The following ASH1L variants were observed in gnomAD, a reference collection of about 807,000 sequenced individuals.
ASH1L encodes the protein histone-lysine N-methyltransferase ASH1L.
A neutral mutation model predicts 269.0 loss-of-function variants in ASH1L; 23 were observed. The ratio of observed to expected loss-of-function variants is 0.09; its 90% CI spans 0.06 to 0.12. ASH1L has a LOEUF of 0.12. Among genes scored for constraint, ASH1L ranks in the 10% least tolerant of loss-of-function variants. The pLI is 1.00. For synonymous variants in ASH1L, 1,187 were observed against 1,253.5 expected (o/e 0.95, Z 1.12); for missense variants, 2,912 against 3,567.8 (o/e 0.82, Z 4.68).
chr1:155,457,249 T>G (rs1663925803), intron 4 of ASH1L, among the ~76,000 whole-genome samples: 1 of 152,202 alleles, frequency 6.6e-6, no homozygotes, highest in African/African-American at 2.4e-5. Flanking sequence ...TGTTAGAAAT[T>G]GTTCAGTAGC....
chr1:155,538,461 G>T (rs1415389338), intron 1 of ASH1L, among the ~76,000 whole-genome samples: 1 of 151,840 alleles, frequency 6.6e-6, no homozygotes, highest in Non-Finnish European at 1.5e-5. Flanking sequence ...GGGTTCAAGC[G>T]AGTCTCCTGC....
At chr1:155,546,990 G>T in intron 1 of ASH1L, among the ~76,000 whole-genome samples, 2 of 105,038 alleles carry the variant, frequency 1.9e-5, no homozygotes, top group South Asian at 3.3e-4. Flanking sequence ...GACTCGCTCT[G>T]TCACCAGGGT....
chr1:155,348,581 A>G (rs1653574610), intron 19 of ASH1L, among the ~76,000 whole-genome samples: 1 of 151,884 alleles, frequency 6.6e-6, no homozygotes, highest in African/African-American at 2.4e-5. Flanking sequence ...CCTCAATTCC[A>G]TCCTCAAGAT....
intron 1 of ASH1L, among the ~76,000 whole-genome samples, chr1:155,552,506 G>C (rs987038543): frequency 6.6e-6 from 1 of 151,210 alleles, no homozygotes; most frequent in Non-Finnish European, 1.5e-5. Flanking sequence ...ACTACAACAG[G>C]GTGGTGTCAT....
chr1:155,425,402 A>G (rs1451652701), intron 5 of ASH1L, among the ~76,000 whole-genome samples: 1 of 143,518 alleles, frequency 7.0e-6, no homozygotes, highest in Non-Finnish European at 1.5e-5. Context: ...CTCAGCCTCC[A>G]GGTAGCTGGG....
At chr1:155,498,667 C>A (rs1416688284) in intron 2 of ASH1L, among the ~76,000 whole-genome samples, 2 of 151,848 alleles carry the variant, frequency 1.3e-5, no homozygotes, top group African/African-American at 4.8e-5. Context: ...TCTTGAACTC[C>A]CGAACTCAGG....
intron 7 of ASH1L, among the ~76,000 whole-genome samples, chr1:155,394,940 T>A (rs1038348514): frequency 6.6e-6 from 1 of 152,150 alleles, no homozygotes. Context: ...TGTTATTTAT[T>A]TAATTTTTTT....
intron 5 of ASH1L, chr1:155,434,409 T>A (rs993418486): frequency 2.8e-5 from 28 of 1,016,386 alleles, no homozygotes; most frequent in Non-Finnish European, 3.9e-5. Context: ...CAGGGGAGTT[T>A]GGGGCAACTG....
intron 1 of ASH1L, among the ~76,000 whole-genome samples, chr1:155,558,997 C>T (rs1450834372): frequency 6.6e-6 from 1 of 151,196 alleles, no homozygotes; most frequent in African/African-American, 2.4e-5. Context: ...GGCACACACA[C>T]CATGCCTGGC....
chr1:155,347,267 G>T (rs946915509), intron 20 of ASH1L, among the ~76,000 whole-genome samples: 6 of 152,078 alleles, frequency 3.9e-5, no homozygotes, highest in Non-Finnish European at 8.8e-5. Context: ...GGGCATGGTG[G>T]CACGTGGCAC....
chr1:155,449,078 CAT>C (rs1558118484), intron 4 of ASH1L, among the ~76,000 whole-genome samples: 2 of 151,548 alleles, frequency 1.3e-5, no homozygotes, highest in Non-Finnish European at 2.9e-5. Context: ...GGACTACAGG[CAT>C]GTGCCACCAC....
intron 1 of ASH1L, among the ~76,000 whole-genome samples, chr1:155,541,485 C>T (rs1670426646): frequency 6.6e-6 from 1 of 151,942 alleles, no homozygotes; most frequent in Admixed American, 6.6e-5. Flanking sequence ...TTATATAAGT[C>T]ACTAAAATCA....
chr1:155,537,651 G>A (rs750609604), intron 1 of ASH1L, among the ~76,000 whole-genome samples: 86 of 151,918 alleles, frequency 5.7e-4, no homozygotes, highest in South Asian at 3.3e-3. Flanking sequence ...ATCTAAATTC[G>A]AAAACGAACT....
At chr1:155,411,586 A>ATATATATATATATATATATAT (rs1558075618) in intron 6 of ASH1L, among the ~76,000 whole-genome samples, 43 of 55,096 alleles carry the variant, frequency 7.8e-4, no homozygotes, top group East Asian at 1.4e-3. Context: ...TAAATAAATA[A>ATATATATATATATATATATAT]ATATATATAT....
chr1:155,406,727 T>C lies in ASH1L; in HGVS notation c.6008+9017A>G, dbSNP rs542685785. ...AAAAAATAAATAAATAAAAAAGCTA[T>C]AGTAATCAACACAGTGTTTGAACAG... On this transcript the variant is annotated intron_variant, in intron 6 of 27. Coordinates refer to ENST00000392403, the MANE Select transcript of ASH1L (RefSeq NM_018489.3). 3.9e-5 allele frequency among the ~76,000 whole-genome samples: 6 copies of C among 152,124 alleles called. No individual in the cohort carries two copies. The East Asian group carries it at 5.8e-4, about 15-fold the overall frequency.
intron 5 of ASH1L, among the ~76,000 whole-genome samples, chr1:155,429,628 T>C (rs1661453465): frequency 6.6e-6 from 1 of 152,106 alleles, no homozygotes; most frequent in African/African-American, 2.4e-5. Context: ...CACACATAAA[T>C]AGTATTTTAA....
chr1:155,338,623 A>G (rs995228494), intron 26 of ASH1L, among the ~76,000 whole-genome samples: 1 of 152,216 alleles, frequency 6.6e-6, no homozygotes, highest in African/African-American at 2.4e-5. Context: ...ATATTCACAA[A>G]TGGTATAGGA....
At chr1:155,558,807 T>C (rs1371197734) in intron 1 of ASH1L, among the ~76,000 whole-genome samples, 1 of 151,122 alleles carries the variant, frequency 6.6e-6, no homozygotes, top group East Asian at 2.0e-4. Context: ...ACTGGGATCA[T>C]AGGGATAACC....
chr1:155,433,371 C>T (rs1007090090), intron 5 of ASH1L: 9 of 1,596,988 alleles, frequency 5.6e-6, no homozygotes, highest in Non-Finnish European at 5.1e-6. Context: ...CCCCCATGCC[C>T]CCCGCTGTAT....
Sources: allele counts gnomAD v4.1 joint callset (sites outside exome capture counted in the v4.1 genomes callset), GRCh38; gene constraint gnomAD v4.1.1; transcripts MANE v1.5; gene names NCBI Gene and HGNC (gene_info 2026-07-23, HGNC 2026-07-21).